NFIA: variants seen among roughly 807,000 people sequenced by gnomAD.
The protein encoded by NFIA is nuclear factor 1 A-type.
Under a neutral mutation model 62.8 loss-of-function variants are expected in NFIA, and 8 were observed. The ratio of observed to expected loss-of-function variants is 0.13; its 90% CI spans 0.07 to 0.23. The LOEUF is 0.23. NFIA is among the 10% of genes least tolerant of loss of function. The pLI is 1.00. For synonymous variants in NFIA, 235 were observed against 238.1 expected (o/e 0.99, Z 0.12); for missense variants, 410 against 642.1 (o/e 0.64, Z 3.91).
rs1243777955 is a variant in NFIA at position 61,297,405 on chromosome 1, A to G, written c.625+19820A>G. Reference sequence around the variant, plus strand: ...ATTGCAAACCACTGACCCATAGCTTACATTACTTAAACCACTGGTTCCTAA... The same window carrying G: ...ATTGCAAACCACTGACCCATAGCTTGCATTACTTAAACCACTGGTTCCTAA... On this transcript the variant is annotated intron_variant, in intron 3 of 10. Transcript: ENST00000403491. 2.0e-5 allele frequency among the ~76,000 whole-genome samples: 3 copies of G among 152,210 alleles called. No individual in the cohort carries two copies. In the East Asian group the frequency reaches 5.8e-4, roughly 29 times the overall value.
At position 61,135,874 on chromosome 1, in the gene NFIA, C is replaced by T. The variant is rs185688972; in HGVS notation, c.559+47194C>T. On this transcript the variant is annotated intron_variant, in intron 2 of 10. Transcript: ENST00000403491. Reference sequence around the variant, plus strand: ...CATCCTTATCCTTGTCTGGACATATCCATAGAGCACGCATTTTAAATCTGA... The same window carrying T: ...CATCCTTATCCTTGTCTGGACATATTCATAGAGCACGCATTTTAAATCTGA... Among the ~76,000 whole-genome samples, 278 of 152,272 alleles carry T rather than the reference C, an allele frequency of 1.8e-3. 2 individuals carry two copies. Among genetic ancestry groups the T allele is most frequent in the Middle Eastern group, 3.4e-3 (1 of 294 alleles).
intron 2 of NFIA, among the ~76,000 whole-genome samples, chr1:61,183,005 C>T (rs1650860308): frequency 6.6e-6 from 1 of 152,126 alleles, no homozygotes; most frequent in Non-Finnish European, 1.5e-5. Context: ...TTTTCATTTA[C>T]TTCCTTTATC....
intron 7 of NFIA, among the ~76,000 whole-genome samples, chr1:61,385,338 T>G (rs1320278993): frequency 6.6e-6 from 1 of 152,130 alleles, no homozygotes; most frequent in East Asian, 1.9e-4. Context: ...AGATTTGTGG[T>G]GTAGTAAGTT....
intron 2 of NFIA, among the ~76,000 whole-genome samples, chr1:61,260,570 A>G (rs1186647712): frequency 6.6e-6 from 1 of 152,196 alleles, no homozygotes. Context: ...TGATTAGAGT[A>G]TATTATCAAG....
chr1:61,178,221 ATAAT>A (rs1396306230), intron 2 of NFIA, among the ~76,000 whole-genome samples: 3 of 152,324 alleles, frequency 2.0e-5, no homozygotes, highest in Admixed American at 1.3e-4. Flanking sequence ...ACACTGGCAA[ATAAT>A]TAGTTTAGTT....
At chr1:61,437,969 G>C (rs1667407137) in intron 10 of NFIA, among the ~76,000 whole-genome samples, 1 of 152,180 alleles carries the variant, frequency 6.6e-6, no homozygotes. Context: ...TATTCTGTGG[G>C]AGATGGGAAG....
chr1:61,235,509 T>A (rs201255120), intron 2 of NFIA, among the ~76,000 whole-genome samples: 1 of 122,810 alleles, frequency 8.1e-6, no homozygotes, highest in Non-Finnish European at 1.7e-5. Flanking sequence ...TAAATAAAAA[T>A]AAAAAATAAA....
intron 2 of NFIA, among the ~76,000 whole-genome samples, chr1:61,120,230 T>A (rs1160541597): frequency 6.6e-6 from 1 of 152,216 alleles, no homozygotes; most frequent in Non-Finnish European, 1.5e-5. Context: ...TTTTACATAG[T>A]GTCTGTATCA....
intron 3 of NFIA, among the ~76,000 whole-genome samples, chr1:61,317,525 G>C (rs1478127965): frequency 1.3e-5 from 2 of 151,872 alleles, no homozygotes; most frequent in African/African-American, 4.8e-5. Context: ...AAATAGCTTA[G>C]AGACTAAGTA....
upstream of NFIA, among the ~76,000 whole-genome samples, chr1:61,081,138 T>C (rs1646088950): frequency 6.6e-6 from 1 of 152,044 alleles, no homozygotes. Flanking sequence ...GGTTGTCAAA[T>C]GCAGCATTTT....
In NFIA at chr1:61,354,713, T is replaced by G. The variant is rs540606045; in HGVS notation, c.818+2146T>G. On this transcript the variant is annotated intron_variant, in intron 5 of 10. Coordinates refer to ENST00000403491, the MANE Select transcript of NFIA (RefSeq NM_001134673.4). The stretch of plus-strand genomic sequence containing the variant: ...TCTTTTAGTAAGGAACAACAGAATA[T>G]GAGGTCCTAAAAAAGGAGTTTCTAG... 4.6e-5 allele frequency among the ~76,000 whole-genome samples: 7 copies of G among 152,300 alleles called. No homozygotes were observed. The East Asian group carries it at 1.3e-3, about 29-fold the overall frequency.
At chr1:61,169,652 G>A (rs572265286) in intron 2 of NFIA, among the ~76,000 whole-genome samples, 1 of 152,284 alleles carries the variant, frequency 6.6e-6, no homozygotes, top group East Asian at 1.9e-4. Flanking sequence ...GCCCCTTATT[G>A]TCAAACACTG....
intron 2 of NFIA, among the ~76,000 whole-genome samples, chr1:61,208,972 T>C (rs1223381514): frequency 6.6e-6 from 1 of 152,124 alleles, no homozygotes; most frequent in African/African-American, 2.4e-5. Context: ...TAACAGCCCC[T>C]TTAATTAGGG....
At position 61,421,268 on chromosome 1, in the gene NFIA, C is replaced by T. The variant is rs79039787; in HGVS notation, c.1421-5197C>T. Among the ~76,000 whole-genome samples the T allele has an allele frequency of 4.5e-3, 686 of 152,260 alleles. 13 individuals carry two copies. Among genetic ancestry groups the T allele is most frequent in the East Asian group, 0.041 (212 of 5,186 alleles). On this transcript the variant is annotated intron_variant, in intron 9 of 10. Coordinates refer to ENST00000403491, the MANE Select transcript of NFIA (RefSeq NM_001134673.4). Reference sequence around the variant, plus strand: ...GGCTGTAACATGTTGGGGATAGCAGCGTGTCTCACTCGCCTTTGCATCCTC... The same window carrying T: ...GGCTGTAACATGTTGGGGATAGCAGTGTGTCTCACTCGCCTTTGCATCCTC...
intron 9 of NFIA, among the ~76,000 whole-genome samples, chr1:61,419,895 G>A (rs145360866): frequency 3.4e-4 from 52 of 152,328 alleles, no homozygotes; most frequent in African/African-American, 1.0e-3. Context: ...CCTGAGGGTT[G>A]TGAGTTTTTG....
rs369305204 is a variant in NFIA, at chr1:61,096,547, C to CTTTTTTT, written c.559+7884_559+7890dup. Among the ~76,000 whole-genome samples the CTTTTTTT allele has an allele frequency of 0.016, 1,322 of 80,578 alleles. 157 individuals are homozygous for CTTTTTTT. In the East Asian group the frequency reaches 0.19, roughly 11 times the overall value. The allele number at this position is 80,578 out of a possible 152,430, so 52.9% of individuals were successfully genotyped here. On this transcript the variant is annotated intron_variant, in intron 2 of 10. Transcript: ENST00000403491. ...TCTTTAAACTTAGTCAAGATTAGTT[C>CTTTTTTT]TTTTTTTTTTTTTTTTTTTTTTTGA...
At chr1:61,204,310 T>C (rs1652747828) in intron 2 of NFIA, among the ~76,000 whole-genome samples, 1 of 152,208 alleles carries the variant, frequency 6.6e-6, no homozygotes, top group Admixed American at 6.5e-5. Context: ...GTGGACTGGA[T>C]GTTATTCAGG....
intron 2 of NFIA, among the ~76,000 whole-genome samples, chr1:61,234,185 T>C (rs999907561): frequency 1.3e-5 from 2 of 151,940 alleles, no homozygotes; most frequent in South Asian, 4.2e-4. Flanking sequence ...CTGACCCACA[T>C]GGAGAAACCC....
At chr1:61,128,470 T>G (rs1366911784) in intron 2 of NFIA, among the ~76,000 whole-genome samples, 3 of 151,976 alleles carry the variant, frequency 2.0e-5, no homozygotes. Flanking sequence ...AAATTAGCCA[T>G]GCTTGTAGTC....
Sources: gnomAD v4.1 joint callset for allele counts (sites outside exome capture counted in the v4.1 genomes callset) on GRCh38, gnomAD v4.1.1 for gene constraint, MANE v1.5 for transcripts, NCBI Gene and HGNC (gene_info 2026-07-23, HGNC 2026-07-21) for gene names.